CNTNAP4: variants seen among roughly 807,000 people sequenced by gnomAD.
CNTNAP4 encodes contactin associated protein family member 4.
CNTNAP4 carries 98 observed loss-of-function variants against 148.4 expected under a neutral mutation model. The observed-to-expected ratio is 0.66, with a 90% CI of 0.56 to 0.78. The LOEUF is 0.78. Ranked by LOEUF, CNTNAP4 falls within the 30% of genes least tolerant of loss-of-function variation. The pLI is 0.00. For synonymous variants in CNTNAP4, 730 were observed against 565.1 expected, an observed-to-expected ratio of 1.29 and a Z score of -4.14; for missense variants, 1,935 against 1,565.6, an observed-to-expected ratio of 1.24 and a Z score of -3.98.
intron 1 of CNTNAP4, among the ~76,000 whole-genome samples, chr16:76,280,966 TG>T (rs1958664574): frequency 6.6e-6 from 1 of 152,168 alleles, no homozygotes; most frequent in African/African-American, 2.4e-5. Context: ...CTCTAGTTAC[TG>T]GTATACTGAG....
At chr16:76,377,819 T>C (rs1039360876) in intron 3 of CNTNAP4, among the ~76,000 whole-genome samples, 1 of 152,220 alleles carries the variant, frequency 6.6e-6, no homozygotes, top group Non-Finnish European at 1.5e-5. Context: ...ACTGACTCCA[T>C]GGAAATATAG....
At chr16:76,293,262 C>G (rs947211253) in intron 1 of CNTNAP4, among the ~76,000 whole-genome samples, 2 of 152,120 alleles carry the variant, frequency 1.3e-5, no homozygotes, top group African/African-American at 2.4e-5. Context: ...GTAGCTGAGA[C>G]TACAGGCATG....
chr16:76,544,040 G>A (rs976677429), intron 21 of CNTNAP4, among the ~76,000 whole-genome samples: 1 of 152,138 alleles, frequency 6.6e-6, no homozygotes, highest in Non-Finnish European at 1.5e-5. Flanking sequence ...TGGGGATTTC[G>A]ATAATCGTGA....
At chr16:76,343,891 C>G (rs1964693766) in intron 2 of CNTNAP4, among the ~76,000 whole-genome samples, 1 of 152,128 alleles carries the variant, frequency 6.6e-6, no homozygotes, top group African/African-American at 2.4e-5. Flanking sequence ...CAAATCTTTT[C>G]TCTACATTTT....
rs923888309 is a variant in CNTNAP4, at chr16:76,461,873, G to C, written c.1334-83G>C. On this transcript the variant is annotated intron_variant, in intron 8 of 23. Coordinates refer to ENST00000611870, the MANE Select transcript of CNTNAP4 (RefSeq NM_033401.5). The stretch of plus-strand genomic sequence containing the variant: ...AGAGTTAAGTACTGTAGCCAATTGA[G>C]TGATGTGTATATTGCTGTTTCTAAC... 7.1e-6 allele frequency: 8 copies of C among 1,131,096 alleles called. No individual in the cohort carries two copies. The Admixed American group carries it at 1.3e-4, about 19-fold the overall frequency. 70.1% of individuals were successfully genotyped at this position (1,131,096 alleles called of 1,614,324 possible).
intron 13 of CNTNAP4, among the ~76,000 whole-genome samples, chr16:76,491,317 G>A (rs913584020): frequency 6.6e-6 from 1 of 152,168 alleles, no homozygotes; most frequent in African/African-American, 2.4e-5. Context: ...TGGAGGTGTG[G>A]GTGTGTTTCT....
At chr16:76,418,770 T>C (rs1202135908) in intron 3 of CNTNAP4, among the ~76,000 whole-genome samples, 1 of 151,852 alleles carries the variant, frequency 6.6e-6, no homozygotes, top group Non-Finnish European at 1.5e-5. Flanking sequence ...TGTAATATTT[T>C]GTTGAAACCA....
At chr16:76,408,670 A>G (rs967788625) in intron 3 of CNTNAP4, among the ~76,000 whole-genome samples, 2 of 152,124 alleles carry the variant, frequency 1.3e-5, no homozygotes, top group Admixed American at 6.6e-5. Context: ...GAAGTGAACA[A>G]TAATTTATTT....
At chr16:76,280,375 T>C (rs1162407995) in intron 1 of CNTNAP4, among the ~76,000 whole-genome samples, 1 of 152,164 alleles carries the variant, frequency 6.6e-6, no homozygotes, top group Non-Finnish European at 1.5e-5. Flanking sequence ...TATGTTCACA[T>C]ATATGTATAT....
chr16:76,522,118 C>T lies in CNTNAP4; in HGVS notation c.2616C>T (p.Asn872=), dbSNP rs750280867. Residue 872 remains asparagine, a synonymous_variant, in exon 17 of 24, where the codon AAC becomes AAT. Transcript: ENST00000611870. ...CAGTGCAGTCACCCACCCACTTCAA[C>T]GACAACCAGTGGCACCATGTGAGGG... is the stretch of plus-strand genomic sequence containing the variant. The part of the protein sequence containing the change: ...EISVQSPTHF[N]DNQWHHVRVE... 2.5e-6 allele frequency: 4 copies of T among 1,613,944 alleles called. No homozygotes were observed. Among genetic ancestry groups the T allele is most frequent in the East Asian group, 4.5e-5 (2 of 44,876 alleles).
At chr16:76,386,761 G>A (rs1303192026) in intron 3 of CNTNAP4, among the ~76,000 whole-genome samples, 1 of 152,108 alleles carries the variant, frequency 6.6e-6, no homozygotes, top group East Asian at 1.9e-4. Context: ...GGCATATTGG[G>A]ATTGTAGATG....
At chr16:76,374,991 A>T (rs1400870059) in intron 3 of CNTNAP4, among the ~76,000 whole-genome samples, 3 of 151,370 alleles carry the variant, frequency 2.0e-5, no homozygotes, top group Non-Finnish European at 4.4e-5. Context: ...CTGGTCTCGA[A>T]CTCCTGACCT....
At chr16:76,421,521 C>A (rs1274334922) in intron 3 of CNTNAP4, among the ~76,000 whole-genome samples, 1 of 151,994 alleles carries the variant, frequency 6.6e-6, no homozygotes, top group East Asian at 1.9e-4. Flanking sequence ...AGCAAATTTT[C>A]CACTTTTCAG....
chr16:76,489,531 G>A (rs1392071648), intron 12 of CNTNAP4, among the ~76,000 whole-genome samples, 155 bp from the exon 13 acceptor site: 1 of 151,962 alleles, frequency 6.6e-6, no homozygotes, highest in Admixed American at 6.6e-5. Context: ...TAAAAATTCC[G>A]AGAATCCATT....
At chr16:76,365,608 C>T (rs187347648) in intron 3 of CNTNAP4, among the ~76,000 whole-genome samples, 59 of 151,922 alleles carry the variant, frequency 3.9e-4, no homozygotes, top group African/African-American at 1.3e-3. Flanking sequence ...AAAAATTACC[C>T]GGGTATAGTG....
At position 76,505,461 on chromosome 16, in the gene CNTNAP4, C is replaced by T. The variant is rs1215726511; in HGVS notation, c.2365+6767C>T. On this transcript the variant is annotated intron_variant, in intron 15 of 23. Coordinates refer to ENST00000611870, the MANE Select transcript of CNTNAP4 (RefSeq NM_033401.5). ...AGGAACAGAAAAAGGATCTCTGCTG[C>T]AAGAACTTTGAGGTGAGAGGAATTT... Among the ~76,000 whole-genome samples the T allele has an allele frequency of 2.1e-5, 2 of 97,010 alleles. 1 individual carries two copies. Among genetic ancestry groups the T allele is most frequent in the Non-Finnish European group, 5.8e-5 (2 of 34,256 alleles). The allele number at this position is 97,010 out of a possible 152,430, so 63.6% of individuals were successfully genotyped here. A position where few individuals can be genotyped will look rare whatever the true frequency, so the allele number is the denominator to read the frequency against.
intron 7 of CNTNAP4, 69 bp downstream of exon 7, chr16:76,449,927 T>G: frequency 1.4e-6 from 2 of 1,388,296 alleles, no homozygotes; most frequent in Non-Finnish European, 1.9e-6. Context: ...AATTCCTCCA[T>G]TTTAGGTTCC....
chr16:76,511,530 A>G (rs759680424), intron 15 of CNTNAP4, among the ~76,000 whole-genome samples: 19 of 152,200 alleles, frequency 1.2e-4, no homozygotes, highest in Non-Finnish European at 2.4e-4. Context: ...AAACCGTTAA[A>G]AAAAGTGAGG....
intron 2 of CNTNAP4, among the ~76,000 whole-genome samples, chr16:76,325,702 C>T (rs1962899142): frequency 6.6e-6 from 1 of 151,948 alleles, no homozygotes; most frequent in Non-Finnish European, 1.5e-5. Context: ...TTTTTCCATG[C>T]ATTCATCCCA....
Sources: allele counts gnomAD v4.1 joint callset (sites outside exome capture counted in the v4.1 genomes callset), GRCh38; gene constraint gnomAD v4.1.1; transcripts MANE v1.5; gene names NCBI Gene and HGNC (gene_info 2026-07-23, HGNC 2026-07-21).